Variants in FAM227B observed in about 807,000 individuals in gnomAD.
The protein encoded by FAM227B is protein FAM227B.
Under a neutral mutation model 73.8 loss-of-function variants are expected in FAM227B, and 88 were observed. That is an observed-to-expected ratio of 1.19 (90% CI 1.00 to 1.42). The LOEUF is 1.42. Ranked by LOEUF, FAM227B falls within the 40% of genes most tolerant of loss-of-function variation. The pLI is 0.00. For missense variants in FAM227B, 632 were observed against 590.9 expected, an observed-to-expected ratio of 1.07 and a Z score of -0.72; for synonymous variants, 210 against 190.5, an observed-to-expected ratio of 1.10 and a Z score of -0.84.
chr15:49,350,697 G>T (rs555711444), intron 13 of FAM227B, among the ~76,000 whole-genome samples: 1 of 152,288 alleles, frequency 6.6e-6, no homozygotes, highest in South Asian at 2.1e-4. Context: ...ACCTTGGTGG[G>T]TCTTCCTGCA....
chr15:49,590,912 C>G (rs888604790), intron 3 of FAM227B, among the ~76,000 whole-genome samples: 4 of 151,942 alleles, frequency 2.6e-5, no homozygotes, highest in African/African-American at 9.7e-5. Context: ...GAGATCATGC[C>G]ACAGTTGCCT....
At chr15:49,591,045 A>ATTTT (rs748799826) in intron 3 of FAM227B, among the ~76,000 whole-genome samples, 907 of 72,534 alleles carry the variant, frequency 0.013, 36 homozygotes, top group African/African-American at 0.047. Flanking sequence ...TTTTTTTTTG[A>ATTTT]TTTTTTTTTT....
chr15:49,410,060 A>G (rs1301406582), intron 11 of FAM227B, among the ~76,000 whole-genome samples: 2 of 152,010 alleles, frequency 1.3e-5, no homozygotes, highest in Non-Finnish European at 2.9e-5. Context: ...TCTCACCTAT[A>G]ATGCTGGCAC....
chr15:49,534,567 G>GAC (rs942294667), intron 10 of FAM227B, among the ~76,000 whole-genome samples: 4 of 73,386 alleles, frequency 5.5e-5, no homozygotes, highest in African/African-American at 1.6e-4. Context: ...AAATTAAGAA[G>GAC]ACAAGATTAA....
intron 11 of FAM227B, chr15:49,423,009 C>G: frequency 3.8e-6 from 1 of 261,546 alleles, no homozygotes; most frequent in Non-Finnish European, 7.4e-6. Context: ...TAAAAAATTC[C>G]CTTTCCCCTT....
chr15:49,426,697 T>C (rs2050160221), intron 11 of FAM227B, among the ~76,000 whole-genome samples: 1 of 151,804 alleles, frequency 6.6e-6, no homozygotes, highest in African/African-American at 2.4e-5. Flanking sequence ...AACCATCTCC[T>C]CTAACACCAA....
chr15:49,489,329 A>C (rs1307286924), intron 11 of FAM227B: 1 of 980,680 alleles, frequency 1.0e-6, no homozygotes, highest in Non-Finnish European at 1.2e-6. Context: ...AAGAGATGAA[A>C]TATGTATATT....
chr15:49,617,626 C>A (rs963741389), intron 1 of FAM227B, among the ~76,000 whole-genome samples: 1 of 150,746 alleles, frequency 6.6e-6, no homozygotes, highest in Admixed American at 6.6e-5. Flanking sequence ...TTGCAAGATA[C>A]TAAAAAAAAA....
At chr15:49,452,149 C>T (rs2052814210) in intron 11 of FAM227B, among the ~76,000 whole-genome samples, 1 of 151,954 alleles carries the variant, frequency 6.6e-6, no homozygotes, top group Non-Finnish European at 1.5e-5. Context: ...TCAAGCAATT[C>T]TCCTGCCTCA....
At chr15:49,504,971 A>G (rs2058466475) in intron 11 of FAM227B, among the ~76,000 whole-genome samples, 2 of 152,210 alleles carry the variant, frequency 1.3e-5, no homozygotes. Context: ...CTGTATTTAT[A>G]ATAGCCAAAT....
At chr15:49,364,863 T>A (rs2044858023) in intron 13 of FAM227B, among the ~76,000 whole-genome samples, 1 of 152,000 alleles carries the variant, frequency 6.6e-6, no homozygotes, top group Non-Finnish European at 1.5e-5. Flanking sequence ...TTTTTTTTTT[T>A]AAGAAAAATA....
At chr15:49,400,816 T>C (rs28787993) in intron 11 of FAM227B, among the ~76,000 whole-genome samples, 101,011 of 148,352 alleles carry the variant, frequency 0.68, 34,833 homozygotes, top group African/African-American at 0.74. Flanking sequence ...AGCTGAAACT[T>C]GATCCCTTCC....
chr15:49,591,029 G>GTTTTTTTTTTTTTT (rs71424023), intron 3 of FAM227B, among the ~76,000 whole-genome samples: 1 of 105,608 alleles, frequency 9.5e-6, no homozygotes, highest in Admixed American at 9.7e-5. Context: ...TCTTTTTTTT[G>GTTTTTTTTTTTTTT]TTTTTTTTTT....
At chr15:49,514,569 C>T (rs543786767) in intron 10 of FAM227B, among the ~76,000 whole-genome samples, 4 of 152,102 alleles carry the variant, frequency 2.6e-5, no homozygotes, top group African/African-American at 7.2e-5. Context: ...TCTTCCTACT[C>T]CATTTAAATA....
intron 11 of FAM227B, among the ~76,000 whole-genome samples, chr15:49,496,539 C>A (rs999710853): frequency 1.3e-5 from 2 of 152,068 alleles, no homozygotes; most frequent in African/African-American, 4.8e-5. Context: ...TGAGTCATTC[C>A]AGATACTGAA....
At position 49,478,334 on chromosome 15, in the gene FAM227B, G is replaced by GT. The variant is rs996315404; in HGVS notation, c.1012+29876dup. ...CAGATTTTGCCCACTTTTTAACTAGGTTTTTTTTTTCTTATTGTTGTGTTT... is the reference window on the plus strand; with the variant it reads ...CAGATTTTGCCCACTTTTTAACTAGGTTTTTTTTTTTCTTATTGTTGTGTTT... On this transcript the variant is annotated intron_variant, in intron 11 of 15. Coordinates refer to ENST00000299338, the MANE Select transcript of FAM227B (RefSeq NM_152647.3). 5.4e-3 allele frequency among the ~76,000 whole-genome samples: 797 copies of GT among 147,070 alleles called. 13 individuals carry two copies. The highest frequency in any genetic ancestry group is 0.016 in the African/African-American group (634 of 40,118).
At chr15:49,483,430 C>A (rs2056132350) in intron 11 of FAM227B, among the ~76,000 whole-genome samples, 1 of 152,040 alleles carries the variant, frequency 6.6e-6, no homozygotes, top group African/African-American at 2.4e-5. Flanking sequence ...TGACTTTGGA[C>A]AAATGGCTTG....
At chr15:49,415,837 A>G (rs990327241) in intron 11 of FAM227B, among the ~76,000 whole-genome samples, 1 of 152,174 alleles carries the variant, frequency 6.6e-6, no homozygotes, top group African/African-American at 2.4e-5. Flanking sequence ...AAGGGTAAGC[A>G]CAAGTTTACA....
intron 11 of FAM227B, among the ~76,000 whole-genome samples, chr15:49,413,418 T>C (rs2049004327): frequency 6.6e-6 from 1 of 152,140 alleles, no homozygotes; most frequent in Admixed American, 6.6e-5. Context: ...TGTGGGTCGA[T>C]TAAACGTCTT....
Sources: allele counts gnomAD v4.1 joint callset (sites outside exome capture counted in the v4.1 genomes callset), GRCh38; gene constraint gnomAD v4.1.1; transcripts MANE v1.5; gene names NCBI Gene and HGNC (gene_info 2026-07-23, HGNC 2026-07-21).